The following KCNMA1 variants were observed in gnomAD, a reference collection of about 807,000 sequenced individuals.
KCNMA1 encodes Calcium-activated potassium channel subunit alpha-1.
In KCNMA1, 29 loss-of-function variants were observed where a neutral mutation model predicts 140.0. The ratio of observed to expected loss-of-function variants is 0.21; its 90% CI spans 0.15 to 0.28. The LOEUF (loss-of-function observed/expected upper bound fraction) is 0.28, where lower values mean the gene tolerates loss of function less well. Among genes scored for constraint, KCNMA1 ranks in the 10% least tolerant of loss-of-function variants. KCNMA1 has a pLI of 1.00. For missense variants in KCNMA1, 880 were observed against 1,602.2 expected (o/e 0.55, Z 7.70); for synonymous variants, 612 against 611.9 (o/e 1.00, Z 0.00).
At position 77,597,734 on chromosome 10, in the gene KCNMA1, C is replaced by T. The variant is rs776260611; in HGVS notation, c.378+39531G>A. Among the ~76,000 whole-genome samples the T allele has an allele frequency of 2.6e-5, 4 of 152,222 alleles. No individual in the cohort carries two copies. The South Asian group carries it at 8.3e-4, about 32-fold the overall frequency. On this transcript the variant is annotated intron_variant, in intron 1 of 27. Coordinates refer to ENST00000286628, the MANE Select transcript of KCNMA1 (RefSeq NM_001161352.2). ...CATTGACAGGACACATTTCTAGGTACATCCTGCCCCAGGGCCTTTGCACTT... is the reference window on the plus strand; with the variant it reads ...CATTGACAGGACACATTTCTAGGTATATCCTGCCCCAGGGCCTTTGCACTT...
intron 3 of KCNMA1, among the ~76,000 whole-genome samples, chr10:77,194,363 G>C (rs2154143129): frequency 6.6e-6 from 1 of 152,192 alleles, no homozygotes; most frequent in South Asian, 2.1e-4. Context: ...GCCTTCTCCA[G>C]ATGTTTGCCT....
At chr10:77,219,617 G>A (rs1417544546) in intron 3 of KCNMA1, among the ~76,000 whole-genome samples, 1 of 152,050 alleles carries the variant, frequency 6.6e-6, no homozygotes, top group South Asian at 2.1e-4. Context: ...GTTGTTGTTC[G>A]TTTTGTTTTG....
Position 77,108,624 on chromosome 10 carries a change from G to C in KCNMA1, c.1132-52C>G, listed in dbSNP as rs762091573. Reference sequence around the variant, plus strand: ...ACTAAAAAGACAGGCCAAAGAAAAGGGGGGACCTGTTCAGAGGGTGGGGGC... The same window carrying C: ...ACTAAAAAGACAGGCCAAAGAAAAGCGGGGACCTGTTCAGAGGGTGGGGGC... On this transcript the variant is annotated intron_variant, in intron 8 of 27. Coordinates refer to ENST00000286628, the MANE Select transcript of KCNMA1 (RefSeq NM_001161352.2). This position sits in a 1 kb window ranked among gnomAD's most constrained non-coding sequence, Gnocchi z 4.6. 118 of 1,379,670 alleles carry C rather than the reference G, an allele frequency of 8.6e-5. No individual in the cohort carries two copies. The highest frequency in any genetic ancestry group is 1.0e-4 in the Non-Finnish European group (101 of 971,212). 85.5% of individuals were successfully genotyped at this position (1,379,670 alleles called of 1,614,324 possible).
intron 1 of KCNMA1, chr10:77,587,934 G>A: frequency 1.1e-6 from 1 of 869,868 alleles, no homozygotes; most frequent in Non-Finnish European, 1.4e-6. Context: ...GGAGACATAA[G>A]CAGAGTCCCA....
At chr10:77,517,145 T>C (rs2050838301) in intron 1 of KCNMA1, among the ~76,000 whole-genome samples, 1 of 152,112 alleles carries the variant, frequency 6.6e-6, no homozygotes. Flanking sequence ...CTGGAGAGAC[T>C]GGGACTAGGC....
intron 2 of KCNMA1, among the ~76,000 whole-genome samples, chr10:77,319,919 G>A (rs1470164199): frequency 6.6e-6 from 1 of 152,236 alleles, no homozygotes; most frequent in African/African-American, 2.4e-5. Flanking sequence ...TTATGCCACT[G>A]TGGGGGCTGT....
chr10:76,917,407 G>T (rs749531611), intron 23 of KCNMA1, among the ~76,000 whole-genome samples: 4 of 152,140 alleles, frequency 2.6e-5, no homozygotes, highest in Non-Finnish European at 4.4e-5. Flanking sequence ...TACAGAACTC[G>T]CAACAAGCCA....
At position 77,131,754 on chromosome 10, in the gene KCNMA1, C is replaced by T. The variant is rs2097862216; in HGVS notation, c.809-10706G>A. 2.6e-5 allele frequency among the ~76,000 whole-genome samples: 4 copies of T among 151,992 alleles called. No homozygotes were observed. The South Asian group carries it at 8.3e-4, about 32-fold the overall frequency. On this transcript the variant is annotated intron_variant, in intron 5 of 27. Transcript: ENST00000286628. ...CTGAGGCAGGCGGATCACTTGAGGT[C>T]AGGAGTTCGAGACCAGCCTGGCCAA... is the stretch of plus-strand genomic sequence containing the variant.
intron 1 of KCNMA1, among the ~76,000 whole-genome samples, chr10:77,626,750 G>C (rs2092580034): frequency 6.6e-6 from 1 of 152,166 alleles, no homozygotes; most frequent in African/African-American, 2.4e-5. Flanking sequence ...CGTGCTATCA[G>C]TTCATTCCAC....
chr10:77,278,087 T>C (rs2067205596), intron 2 of KCNMA1, among the ~76,000 whole-genome samples: 1 of 152,232 alleles, frequency 6.6e-6, no homozygotes, highest in Non-Finnish European at 1.5e-5. Flanking sequence ...TAGACCTTTG[T>C]GACAATCTGT....
At chr10:77,265,962 T>A (rs890946760) in intron 2 of KCNMA1, among the ~76,000 whole-genome samples, 1 of 151,400 alleles carries the variant, frequency 6.6e-6, no homozygotes, top group Non-Finnish European at 1.5e-5. Flanking sequence ...GCACCTGTAA[T>A]CCCTGCTATT....
chr10:77,396,941 A>G (rs2096074711), intron 2 of KCNMA1, among the ~76,000 whole-genome samples: 1 of 152,224 alleles, frequency 6.6e-6, no homozygotes, highest in Non-Finnish European at 1.5e-5. Context: ...CAGTCTTTGA[A>G]GAGACACACA....
intron 3 of KCNMA1, among the ~76,000 whole-genome samples, chr10:77,204,727 G>A (rs973458410): frequency 6.6e-6 from 1 of 152,144 alleles, no homozygotes; most frequent in Non-Finnish European, 1.5e-5. Flanking sequence ...GTGATAAGAT[G>A]ATAGTTCCCC....
chr10:77,519,156 G>A (rs1325927747), intron 1 of KCNMA1, among the ~76,000 whole-genome samples: 2 of 152,250 alleles, frequency 1.3e-5, no homozygotes, highest in African/African-American at 2.4e-5. Flanking sequence ...ACTGGCTTCA[G>A]CCCGCCTGGC....
chr10:77,347,391 T>C (rs774830974), intron 2 of KCNMA1, among the ~76,000 whole-genome samples: 17 of 152,142 alleles, frequency 1.1e-4, no homozygotes, highest in Non-Finnish European at 2.1e-4. Flanking sequence ...GAACTTAGGA[T>C]TGGAACTCAG....
chr10:77,073,325 T>C, intron 13 of KCNMA1, 73 bp from the exon 14 acceptor site: 2 of 1,508,808 alleles, frequency 1.3e-6, no homozygotes, highest in Non-Finnish European at 1.8e-6. Flanking sequence ...TTCTGGGAAA[T>C]GCAGCATTGC....
chr10:77,319,242 C>A (rs79132298), intron 2 of KCNMA1, among the ~76,000 whole-genome samples: 2,875 of 152,168 alleles, frequency 0.019, 93 homozygotes, highest in African/African-American at 0.064. Context: ...TTGAGCTTCT[C>A]CCTCTTGTCC....
chr10:76,987,094 C>G (rs2081471477), intron 19 of KCNMA1, among the ~76,000 whole-genome samples: 2 of 148,198 alleles, frequency 1.3e-5, no homozygotes, highest in African/African-American at 5.0e-5. Context: ...GGTTCAGCTT[C>G]TCATGAAAGA....
At chr10:77,230,801 G>A (rs1397324831) in intron 3 of KCNMA1, among the ~76,000 whole-genome samples, 6 of 152,048 alleles carry the variant, frequency 3.9e-5, no homozygotes, top group Admixed American at 3.9e-4. Context: ...AGGGAAAATG[G>A]CTTCCTACTT....
Sources: gnomAD v4.1 joint callset for allele counts (sites outside exome capture counted in the v4.1 genomes callset) on GRCh38, gnomAD v4.1.1 for gene constraint, Gnocchi (gnomAD v3.1) non-coding constraint, MANE v1.5 for transcripts, NCBI Gene and HGNC (gene_info 2026-07-23, HGNC 2026-07-21) for gene names.